Variants in LRSAM1 observed in about 807,000 individuals in gnomAD.
The protein encoded by LRSAM1 is E3 ubiquitin-protein ligase LRSAM1.
Under a neutral mutation model 118.1 loss-of-function variants are expected in LRSAM1, and 96 were observed. The observed-to-expected ratio is 0.81, with a 90% confidence interval of 0.69 to 0.96. LRSAM1 has a LOEUF of 0.96. LRSAM1 is among the 40% of genes least tolerant of loss of function. The probability of loss-of-function intolerance (pLI) is 0.00; values close to 1 mark genes in which losing one functional copy is unlikely to be tolerated. For synonymous variants in LRSAM1, 322 were observed against 364.2 expected, an observed-to-expected ratio of 0.88 and a Z score of 1.32; for missense variants, 804 against 915.5, an observed-to-expected ratio of 0.88 and a Z score of 1.57.
rs1013612318 is a variant in LRSAM1 at position 127,479,769 on chromosome 9, A to T, written c.904-70A>T. 5.7e-6 allele frequency: 9 copies of T among 1,578,262 alleles called. 1 individual carries two copies. Among genetic ancestry groups the T allele is most frequent in the Middle Eastern group, 4.1e-4 (2 of 4,870 alleles). On this transcript the variant is annotated intron_variant, in intron 13 of 25. Coordinates refer to ENST00000300417, the MANE Select transcript of LRSAM1 (RefSeq NM_001005373.4). Reference sequence around the variant, plus strand: ...GCAGGGTGGGAAAGCCAGCCTCCTAACCCCAGTCAGTACCCCTCACGGCGT... The same window carrying T: ...GCAGGGTGGGAAAGCCAGCCTCCTATCCCCAGTCAGTACCCCTCACGGCGT...
chr9:127,459,199 TC>T (rs1834642476), intron 7 of LRSAM1, 128 bp downstream of exon 7: 5 of 766,474 alleles, frequency 6.5e-6, no homozygotes, highest in Non-Finnish European at 1.1e-5. Flanking sequence ...AGCTCCACCC[TC>T]CCCTTGGCCC....
At chr9:127,460,197 A>G (rs1834681878) in intron 7 of LRSAM1, among the ~76,000 whole-genome samples, 1 of 151,922 alleles carries the variant, frequency 6.6e-6, no homozygotes, top group Non-Finnish European at 1.5e-5. Flanking sequence ...ACGGGGTTTC[A>G]CCATGTTCAC....
Position 127,503,158 on chromosome 9 carries a change from G to A in LRSAM1, c.*259G>A. On this transcript the variant is annotated 3_prime_UTR_variant, in exon 26 of 26. Coordinates refer to ENST00000300417, the MANE Select transcript of LRSAM1 (RefSeq NM_001005373.4). Reference sequence around the variant, plus strand: ...GGCCGCTGCACCACCACCCGAGCCTGGGAGCCAGCGTCCCAGCCTAATCAC... The same window carrying A: ...GGCCGCTGCACCACCACCCGAGCCTAGGAGCCAGCGTCCCAGCCTAATCAC... 1.9e-6 allele frequency: 1 copy of A among 528,324 alleles called. No homozygotes were observed. The highest frequency in any genetic ancestry group is 3.4e-6 in the Non-Finnish European group (1 of 291,604). The allele number at this position is 528,324 out of a possible 1,614,324, so 32.7% of individuals were successfully genotyped here.
intron 16 of LRSAM1, 57 bp from the exon 17 acceptor site, chr9:127,485,679 C>A: frequency 6.5e-7 from 1 of 1,545,104 alleles, no homozygotes; most frequent in East Asian, 2.2e-5. Flanking sequence ...GCCTCCCTGC[C>A]CAGGTGCCCC....
chr9:127,485,635 G>A, intron 16 of LRSAM1, 101 bp from the exon 17 acceptor site: 2 of 1,056,190 alleles, frequency 1.9e-6, no homozygotes, highest in East Asian at 2.4e-5. Context: ...GAGGCCTCAA[G>A]GCCTGTTCCT....
chr9:127,472,548 G>C (rs1226270704), intron 10 of LRSAM1, among the ~76,000 whole-genome samples: 3 of 152,064 alleles, frequency 2.0e-5, no homozygotes, highest in African/African-American at 7.2e-5. Flanking sequence ...GGCTGAGGCA[G>C]GAGAATGGCT....
intron 12 of LRSAM1, 144 bp downstream of exon 12, chr9:127,479,107 A>C (rs1564269009): frequency 1.0e-6 from 1 of 957,996 alleles, no homozygotes. Flanking sequence ...AGTCTGCTGC[A>C]TCCTCACATG....
At chr9:127,466,216 A>G (rs2253930) in intron 9 of LRSAM1, among the ~76,000 whole-genome samples, 68,096 of 151,398 alleles carry the variant, frequency 0.45, 16,003 homozygotes, top group Non-Finnish European at 0.5. Context: ...GGCTGAGGCA[A>G]GAGAATTGCT....
intron 7 of LRSAM1, among the ~76,000 whole-genome samples, chr9:127,460,671 GT>G (rs1306803496): frequency 1.3e-5 from 2 of 152,110 alleles, no homozygotes; most frequent in African/African-American, 4.8e-5. Context: ...CTGAGCTTCA[GT>G]TTTTTTCCTG....
At chr9:127,502,686 CAAAAAA>C (rs71380066) in intron 25 of LRSAM1, 82 bp from the exon 26 acceptor site, 1,047 of 896,956 alleles carry the variant, frequency 1.2e-3, no homozygotes, top group East Asian at 1.3e-3. Context: ...GACTCTGTCT[CAAAAAA>C]AAAAAAAAAA....
intron 23 of LRSAM1, among the ~76,000 whole-genome samples, chr9:127,496,466 G>C (rs879637528): frequency 2.0e-5 from 3 of 152,232 alleles, no homozygotes; most frequent in Non-Finnish European, 4.4e-5. Context: ...CTGGGCACAA[G>C]CTGAGCTCTT....
At chr9:127,477,901 C>A (rs1158839712) in intron 11 of LRSAM1, among the ~76,000 whole-genome samples, 3 of 151,738 alleles carry the variant, frequency 2.0e-5, no homozygotes, top group South Asian at 4.2e-4. Context: ...TACAGAAAAT[C>A]AGCCGGGTGT....
intron 5 of LRSAM1, among the ~76,000 whole-genome samples, chr9:127,456,239 T>G (rs1280675747): frequency 1.3e-5 from 2 of 151,022 alleles, no homozygotes; most frequent in Non-Finnish European, 3.0e-5. Context: ...TGTTTGTTTT[T>G]TTTTTTTTTT....
intron 19 of LRSAM1, among the ~76,000 whole-genome samples, chr9:127,490,008 A>G (rs1159534237): frequency 2.0e-5 from 3 of 152,178 alleles, no homozygotes; most frequent in Non-Finnish European, 1.5e-5. Flanking sequence ...ACCTCGGCCC[A>G]GGAGGAGGCG....
chr9:127,478,018 C>G (rs993076686), intron 11 of LRSAM1, among the ~76,000 whole-genome samples: 6 of 148,244 alleles, frequency 4.0e-5, no homozygotes, highest in Non-Finnish European at 8.9e-5. Flanking sequence ...CATTATTGCA[C>G]TCCAGCCTGG....
chr9:127,483,334 C>T (rs555736418), intron 16 of LRSAM1, among the ~76,000 whole-genome samples: 2 of 152,144 alleles, frequency 1.3e-5, no homozygotes, highest in East Asian at 1.9e-4. Context: ...GTAATCCCAG[C>T]GCTTTAGGAA....
At chr9:127,491,327 C>T (rs1835924898) in intron 20 of LRSAM1, 32 bp downstream of exon 20, 1 of 1,577,064 alleles carries the variant, frequency 6.3e-7, no homozygotes. Context: ...TGCCCTCCTT[C>T]ACGTGGTGAG....
At chr9:127,478,122 ATAAAT>A (rs1333407436) in intron 11 of LRSAM1, among the ~76,000 whole-genome samples, 1 of 152,212 alleles carries the variant, frequency 6.6e-6, no homozygotes, top group Non-Finnish European at 1.5e-5. Context: ...TACATCAATA[ATAAAT>A]TAATTAATTA....
rs747094831 is a variant in LRSAM1 at position 127,492,841 on chromosome 9, C to T, written c.1543C>T (p.Leu515Phe). ...GCAGCGCTGGGCCCTCAGCTCCCTG[C>T]TCCAGCAGCTGCTCAAAGAGAAGCA... The part of the protein sequence containing the change: ...SEQRWALSSL[L>F]QQLLKEKQQR... Residue 515 changes from leucine (L) to phenylalanine (F), a missense_variant, in exon 21 of 26, where the codon CTC (leucine) becomes TTC (phenylalanine). By Grantham distance (22) the Leu-to-Phe change is conservative. Transcript: ENST00000300417. 6.2e-7 allele frequency: 1 copy of T among 1,614,010 alleles called. No homozygotes were observed. Among genetic ancestry groups the T allele is most frequent in the Non-Finnish European group, 8.5e-7 (1 of 1,180,042 alleles).
Sources: allele counts gnomAD v4.1 joint callset (sites outside exome capture counted in the v4.1 genomes callset), GRCh38; gene constraint gnomAD v4.1.1; transcripts MANE v1.5; gene names NCBI Gene and HGNC (gene_info 2026-07-23, HGNC 2026-07-21).